VEPH1: variants seen among roughly 807,000 people sequenced by gnomAD.
The protein encoded by VEPH1 is ventricular zone expressed PH domain containing 1.
A neutral mutation model predicts 85.2 loss-of-function variants in VEPH1; 80 were observed. That is an observed-to-expected ratio of 0.94 (90% CI 0.78 to 1.13). The LOEUF (loss-of-function observed/expected upper bound fraction) is 1.13. VEPH1 is among the 50% of genes most tolerant of loss of function. VEPH1 has a pLI of 0.00. For synonymous variants in VEPH1, 297 were observed against 348.0 expected (o/e 0.85, Z 1.63); for missense variants, 955 against 980.5 (o/e 0.97, Z 0.35).
chr3:157,289,189 C>T (rs1443964370), intron 11 of VEPH1, among the ~76,000 whole-genome samples: 1 of 152,218 alleles, frequency 6.6e-6, no homozygotes, highest in Admixed American at 6.5e-5. Flanking sequence ...TTCTCTGTTT[C>T]CCACACAATT....
intron 11 of VEPH1, among the ~76,000 whole-genome samples, chr3:157,308,178 C>G (rs1296637203): frequency 8.7e-6 from 1 of 115,156 alleles, no homozygotes; most frequent in African/African-American, 2.6e-5. Flanking sequence ...ATCTCTTTCT[C>G]TTTCTGGTTT....
intron 9 of VEPH1, among the ~76,000 whole-genome samples, chr3:157,358,044 T>A (rs1032090588): frequency 2.0e-5 from 3 of 152,234 alleles, no homozygotes; most frequent in African/African-American, 7.2e-5. Context: ...TGTTCTGATG[T>A]CAACTCATTA....
At chr3:157,274,917 A>G (rs1715189467) in intron 12 of VEPH1, among the ~76,000 whole-genome samples, 1 of 152,148 alleles carries the variant, frequency 6.6e-6, no homozygotes. Flanking sequence ...TCAATCTACA[A>G]CCCAGTAATA....
intron 12 of VEPH1, among the ~76,000 whole-genome samples, chr3:157,268,074 A>C (rs1463228252): frequency 6.6e-6 from 1 of 152,232 alleles, no homozygotes; most frequent in African/African-American, 2.4e-5. Context: ...AAATAATTTC[A>C]GAGTTCTGCT....
chr3:157,416,907 C>T (rs562526465), intron 5 of VEPH1, among the ~76,000 whole-genome samples: 13 of 150,330 alleles, frequency 8.6e-5, no homozygotes, highest in African/African-American at 9.8e-5. Context: ...AAAGGAAGGA[C>T]GGAAGGAGAA....
intron 4 of VEPH1, among the ~76,000 whole-genome samples, chr3:157,442,162 T>C (rs572259746): frequency 6.6e-6 from 1 of 152,190 alleles, no homozygotes; most frequent in South Asian, 2.1e-4. Flanking sequence ...AGATGCTTCA[T>C]TGGATAAGAC....
rs1456435797 is a variant in VEPH1, at chr3:157,503,390, C to T, written c.-271G>A. ...CAGAGGCAGCCTTGCAGCTGCTGCC[C>T]AGTCCTGTGGGCTGCAGCCGCGTCT... On this transcript the variant is annotated 5_prime_UTR_variant, in exon 1 of 14. Transcript: ENST00000362010. 1 of 152,182 alleles carries T rather than the reference C, an allele frequency of 6.6e-6. No homozygotes were observed. The highest frequency in any genetic ancestry group is 1.5e-5 in the Non-Finnish European group (1 of 68,048). 9.4% of individuals were successfully genotyped at this position (152,182 alleles called of 1,614,324 possible). A position where few individuals can be genotyped will look rare whatever the true frequency, so the allele number is the denominator to read the frequency against.
chr3:157,459,427 C>T (rs768000850), intron 4 of VEPH1: 7 of 223,726 alleles, frequency 3.1e-5, no homozygotes, highest in Non-Finnish European at 4.7e-5. Flanking sequence ...GACGATCAAC[C>T]TTATCATGTG....
At chr3:157,442,648 G>T (rs765775634) in intron 4 of VEPH1, 1 of 1,614,238 alleles carries the variant, frequency 6.2e-7, no homozygotes, top group South Asian at 1.1e-5. Flanking sequence ...CACCTGTGCG[G>T]CACCTGGAAT....
intron 10 of VEPH1, among the ~76,000 whole-genome samples, chr3:157,314,662 A>G (rs1290315363): frequency 6.6e-6 from 1 of 152,134 alleles, no homozygotes; most frequent in Non-Finnish European, 1.5e-5. Context: ...TAGAAATTAA[A>G]TAAGTTCATT....
intron 4 of VEPH1, among the ~76,000 whole-genome samples, chr3:157,439,242 C>T (rs945555288): frequency 6.6e-6 from 1 of 152,112 alleles, no homozygotes; most frequent in African/African-American, 2.4e-5. Context: ...CCTGAAAAAC[C>T]GAAGAATTAC....
chr3:157,370,779 A>T (rs1168682786), intron 7 of VEPH1, among the ~76,000 whole-genome samples: 1 of 152,186 alleles, frequency 6.6e-6, no homozygotes, highest in Non-Finnish European at 1.5e-5. Context: ...CATTTACACA[A>T]AATTTTAAAA....
intron 5 of VEPH1, among the ~76,000 whole-genome samples, chr3:157,416,069 T>C (rs1223700719): frequency 6.6e-6 from 1 of 152,138 alleles, no homozygotes; most frequent in African/African-American, 2.4e-5. Flanking sequence ...CATCCCTATC[T>C]TGTACACTAT....
rs1022896969 is a variant in VEPH1 at position 157,287,932 on chromosome 3, C to T, written c.2011-1258G>A. ...AATAAATTAGTTAACTTTTTTCCTCCAAGTGGTTGAGTAGAATTGACACTC... is the reference window on the plus strand; with the variant it reads ...AATAAATTAGTTAACTTTTTTCCTCTAAGTGGTTGAGTAGAATTGACACTC... On this transcript the variant is annotated intron_variant, in intron 11 of 13. Coordinates refer to ENST00000362010, the MANE Select transcript of VEPH1 (RefSeq NM_001167912.2). Among the ~76,000 whole-genome samples the T allele has an allele frequency of 2.2e-4, 34 of 152,134 alleles. 1 individual carries two copies. Among genetic ancestry groups the T allele is most frequent in the African/African-American group, 8.0e-4 (33 of 41,434 alleles).
chr3:157,411,855 A>G (rs1731558083), intron 6 of VEPH1, among the ~76,000 whole-genome samples: 1 of 152,066 alleles, frequency 6.6e-6, no homozygotes, highest in Admixed American at 6.6e-5. Flanking sequence ...TCACCAAATG[A>G]ACTGTTCTCT....
chr3:157,461,648 T>C (rs1300488071), intron 3 of VEPH1, among the ~76,000 whole-genome samples: 1 of 152,066 alleles, frequency 6.6e-6, no homozygotes, highest in Non-Finnish European at 1.5e-5. Flanking sequence ...AGAAAAGACA[T>C]GAGATAAAAA....
In VEPH1 at chr3:157,260,217, G is replaced by A. The variant is rs531651481; in HGVS notation, c.*917C>T. The A allele has an allele frequency of 5.3e-5, 8 of 152,206 alleles. No individual in the cohort carries two copies. Among genetic ancestry groups the A allele is most frequent in the African/African-American group, 1.9e-4 (8 of 41,544 alleles). 9.4% of individuals were successfully genotyped at this position (152,206 alleles called of 1,614,324 possible). The stretch of plus-strand genomic sequence containing the variant: ...CATGTCCCACCCACACTCAATGGGG[G>A]AGAGGATTATACCAAGGCATGGATT... On this transcript the variant is annotated 3_prime_UTR_variant, in exon 14 of 14. Transcript: ENST00000362010.
intron 4 of VEPH1, among the ~76,000 whole-genome samples, chr3:157,440,741 G>A (rs368005852): frequency 2.6e-5 from 4 of 152,118 alleles, no homozygotes; most frequent in East Asian, 3.9e-4. Context: ...CCAGGGACAC[G>A]TAAAAGGTTT....
intron 2 of VEPH1, among the ~76,000 whole-genome samples, chr3:157,475,189 G>A (rs1737351075): frequency 1.4e-5 from 2 of 140,964 alleles, no homozygotes; most frequent in African/African-American, 5.4e-5. Flanking sequence ...ATGGAGTCTC[G>A]TTATTTTTCC....
Sources: allele counts gnomAD v4.1 joint callset (sites outside exome capture counted in the v4.1 genomes callset), GRCh38; gene constraint gnomAD v4.1.1; transcripts MANE v1.5; gene names NCBI Gene and HGNC (gene_info 2026-07-23, HGNC 2026-07-21).